ADAMTS17: variants seen among roughly 807,000 people sequenced by gnomAD.
ADAMTS17 encodes A disintegrin and metalloproteinase with thrombospondin motifs 17.
A neutral mutation model predicts 141.5 loss-of-function variants in ADAMTS17; 113 were observed. That is an observed-to-expected ratio of 0.80 (90% CI 0.69 to 0.93). ADAMTS17 has a LOEUF of 0.93. ADAMTS17 is among the 40% of genes least tolerant of loss of function. ADAMTS17 has a pLI of 0.00. For missense variants in ADAMTS17, 1,659 were observed against 1,517.9 expected (o/e 1.09, Z -1.54); for synonymous variants, 768 against 630.6 (o/e 1.22, Z -3.27).
intron 7 of ADAMTS17, among the ~76,000 whole-genome samples, chr15:100,199,969 G>A (rs1015186283): frequency 2.0e-5 from 3 of 152,224 alleles, no homozygotes; most frequent in Non-Finnish European, 2.9e-5. Context: ...GCTGGGTCTC[G>A]TGGACAGCAC....
At chr15:100,147,339 G>A (rs190788648) in intron 10 of ADAMTS17, among the ~76,000 whole-genome samples, 79 of 152,254 alleles carry the variant, frequency 5.2e-4, no homozygotes, top group African/African-American at 1.7e-3. Flanking sequence ...ATGGGAATAC[G>A]TTCTGAGAAA....
chr15:100,085,984 T>C (rs368495741), intron 15 of ADAMTS17, among the ~76,000 whole-genome samples: 11 of 150,948 alleles, frequency 7.3e-5, no homozygotes, highest in African/African-American at 2.7e-4. Flanking sequence ...AGGATCAAAT[T>C]CACATATAAC....
intron 20 of ADAMTS17, 33 bp from the exon 21 acceptor site, chr15:99,976,255 C>T (rs1005888068): frequency 2.0e-6 from 3 of 1,538,390 alleles, no homozygotes; most frequent in Non-Finnish European, 2.6e-6. Context: ...GTGGGGCTGA[C>T]ATGAGGTCAA....
chr15:100,145,378 T>C (rs11247158), intron 10 of ADAMTS17, among the ~76,000 whole-genome samples: 151,457 of 152,328 alleles, frequency 0.99, 75,302 homozygotes, highest in East Asian at 1. Flanking sequence ...TGACTATGAA[T>C]ATTTTTCTTT....
intron 2 of ADAMTS17, among the ~76,000 whole-genome samples, chr15:100,331,486 CATTAGT>C (rs2046052824): frequency 6.6e-6 from 1 of 152,032 alleles, no homozygotes; most frequent in Admixed American, 6.6e-5. Context: ...TTAAGAGTAA[CATTAGT>C]ATTGTTTTGA....
chr15:100,054,047 T>G lies in ADAMTS17; in HGVS notation c.2145A>C (p.Lys715Asn). Reference sequence around the variant, plus strand: ...TGTTGATGGACCCCTTACCCGAGTCTTTGAGAGCTAGAAAGCAAGTTGAAG... The same window carrying G: ...TGTTGATGGACCCCTTACCCGAGTCGTTGAGAGCTAGAAAGCAAGTTGAAG... ...DFSHARGTALKDSGKGSINSD... is the reference protein window; with the variant it reads ...DFSHARGTALNDSGKGSINSD... Residue 715 changes from lysine to asparagine, a missense_variant, in exon 16 of 22, where the codon AAA becomes AAC. By Grantham distance (94) the Lys-to-Asn change is moderately conservative (BLOSUM62 0). Transcript: ENST00000268070. 6.2e-7 allele frequency: 1 copy of G among 1,614,130 alleles called. No homozygotes were observed. The highest frequency in any genetic ancestry group is 8.5e-7 in the Non-Finnish European group (1 of 1,180,030).
intron 10 of ADAMTS17, among the ~76,000 whole-genome samples, chr15:100,148,424 T>G (rs1001242629): frequency 2.6e-5 from 4 of 152,210 alleles, no homozygotes; most frequent in African/African-American, 7.2e-5. Flanking sequence ...AATGTGGGCC[T>G]CTTGGTGATA....
At chr15:100,150,234 AT>A in intron 10 of ADAMTS17, among the ~76,000 whole-genome samples, 1 of 152,304 alleles carries the variant, frequency 6.6e-6, no homozygotes, top group East Asian at 1.9e-4. Flanking sequence ...TGAGGGAATC[AT>A]TGCTTGTTGC....
chr15:99,993,639 G>A lies in ADAMTS17; in HGVS notation c.2797-439C>T, dbSNP rs570479605. 2.0e-4 allele frequency among the ~76,000 whole-genome samples: 30 copies of A among 152,350 alleles called. 1 individual carries two copies. The South Asian group carries it at 6.2e-3, about 32-fold the overall frequency. On this transcript the variant is annotated intron_variant, in intron 19 of 21. Coordinates refer to ENST00000268070, the MANE Select transcript of ADAMTS17 (RefSeq NM_139057.4). The surrounding 1 kb of genome is among the most constrained non-coding windows in gnomAD (Gnocchi z 4.3). The stretch of plus-strand genomic sequence containing the variant: ...AGATCTTTCCAGCTGGCCTCCAGGT[G>A]CACATGCTGTGCTTGGACCAGCCTG...
At chr15:100,249,932 G>A (rs1257610880) in intron 7 of ADAMTS17, among the ~76,000 whole-genome samples, 1 of 152,222 alleles carries the variant, frequency 6.6e-6, no homozygotes, top group Non-Finnish European at 1.5e-5. Flanking sequence ...GAACTGGAGG[G>A]CTGATCGCCT....
At chr15:100,341,781 C>T in intron 1 of ADAMTS17, 40 bp downstream of exon 1, 4 of 1,542,260 alleles carry the variant, frequency 2.6e-6, no homozygotes, top group Non-Finnish European at 3.5e-6. Flanking sequence ...AAGGTAGCCG[C>T]AGGACGCGGG....
In ADAMTS17 at chr15:100,073,584, TA is replaced by T. The variant is rs910527788; in HGVS notation, c.2138-19531del. The stretch of plus-strand genomic sequence containing the variant: ...TACACCATGGAATACTATGCAGCCA[TA>T]AAAAATGATGAGTTCATGTCCTTTG... On this transcript the variant is annotated intron_variant, in intron 15 of 21. Coordinates refer to ENST00000268070, the MANE Select transcript of ADAMTS17 (RefSeq NM_139057.4). Among the ~76,000 whole-genome samples the T allele has an allele frequency of 2.1e-3, 315 of 151,934 alleles. 1 individual carries two copies. The highest frequency in any genetic ancestry group is 7.5e-3 in the African/African-American group (309 of 41,362).
chr15:100,096,251 C>T (rs774823328), intron 15 of ADAMTS17, 105 bp downstream of exon 15: 30 of 1,573,086 alleles, frequency 1.9e-5, no homozygotes, highest in South Asian at 1.0e-4. Flanking sequence ...CTATCCACTA[C>T]CATCTAGCCC....
At chr15:100,303,661 CAGTT>C (rs2045121461) in intron 3 of ADAMTS17, among the ~76,000 whole-genome samples, 1 of 152,124 alleles carries the variant, frequency 6.6e-6, no homozygotes, top group African/African-American at 2.4e-5. Context: ...ATATTTGTAT[CAGTT>C]AGGCTTCACT....
intron 10 of ADAMTS17, among the ~76,000 whole-genome samples, chr15:100,148,724 G>A (rs902682907): frequency 4.6e-5 from 7 of 151,776 alleles, no homozygotes; most frequent in African/African-American, 1.7e-4. Context: ...CATGTTTCTT[G>A]TGAATTAGGA....
intron 3 of ADAMTS17, among the ~76,000 whole-genome samples, chr15:100,318,347 C>G (rs912856439): frequency 6.6e-6 from 1 of 151,894 alleles, no homozygotes; most frequent in Non-Finnish European, 1.5e-5. Context: ...GACATTGAGA[C>G]CTAACCTACA....
rs1458030503 is a variant in ADAMTS17 at position 100,323,900 on chromosome 15, T to C, written c.616+6989A>G. ...ATCGCTATAAAAGTACAAAAAAACATGGAAAGGAAGGGGTCCCCTATGTCA... is the reference window on the plus strand; with the variant it reads ...ATCGCTATAAAAGTACAAAAAAACACGGAAAGGAAGGGGTCCCCTATGTCA... On this transcript the variant is annotated intron_variant, in intron 3 of 21. Transcript: ENST00000268070. Among the ~76,000 whole-genome samples, 7 of 151,512 alleles carry C rather than the reference T, an allele frequency of 4.6e-5. No individual in the cohort carries two copies. In the East Asian group the frequency reaches 1.4e-3, roughly 30 times the overall value.
chr15:100,302,539 T>A (rs1596479546), intron 3 of ADAMTS17, among the ~76,000 whole-genome samples: 1 of 152,222 alleles, frequency 6.6e-6, no homozygotes, highest in African/African-American at 2.4e-5. Context: ...TCTATGAGAA[T>A]TCGAAATCCT....
chr15:100,176,709 C>A (rs1270468453), intron 8 of ADAMTS17, among the ~76,000 whole-genome samples: 1 of 152,078 alleles, frequency 6.6e-6, no homozygotes, highest in African/African-American at 2.4e-5. Context: ...GTGTAACCAC[C>A]ACAATCAAGA....
Sources: allele counts gnomAD v4.1 joint callset (sites outside exome capture counted in the v4.1 genomes callset), GRCh38; gene constraint gnomAD v4.1.1; non-coding constraint Gnocchi (gnomAD v3.1); transcripts MANE v1.5; gene names NCBI Gene and HGNC (gene_info 2026-07-23, HGNC 2026-07-21).